The following TMEM87B variants were observed in gnomAD, a reference collection of about 807,000 sequenced individuals.
TMEM87B encodes transmembrane protein 87B.
In TMEM87B, 83 loss-of-function variants were observed where a neutral mutation model predicts 80.3. That is an observed-to-expected ratio of 1.03 (90% CI 0.87 to 1.24). TMEM87B has a LOEUF of 1.24. Among genes scored for constraint, TMEM87B ranks in the 50% most tolerant of loss-of-function variants. The pLI is 0.00. For synonymous variants in TMEM87B, 219 were observed against 230.5 expected (o/e 0.95, Z 0.45); for missense variants, 625 against 674.4 (o/e 0.93, Z 0.81).
At chr2:112,073,991 A>G (rs1678736440) in intron 4 of TMEM87B, among the ~76,000 whole-genome samples, 1 of 152,064 alleles carries the variant, frequency 6.6e-6, no homozygotes, top group Non-Finnish European at 1.5e-5. Flanking sequence ...GGGTGTCGTT[A>G]TATGTGAGAT....
intron 15 of TMEM87B, among the ~76,000 whole-genome samples, chr2:112,103,706 A>G (rs1350464873): frequency 6.6e-6 from 1 of 152,212 alleles, no homozygotes; most frequent in Non-Finnish European, 1.5e-5. Context: ...TTGTGGGGTG[A>G]TGAAAATTTT....
At chr2:112,099,525 C>CATATATATATATATAT (rs778514391) in intron 14 of TMEM87B, among the ~76,000 whole-genome samples, 90 of 122,756 alleles carry the variant, frequency 7.3e-4, no homozygotes, top group African/African-American at 7.9e-4. Context: ...TACAATAATA[C>CATATATATATATATAT]ATATATATAT....
intron 9 of TMEM87B, among the ~76,000 whole-genome samples, chr2:112,087,946 G>A (rs979506128): frequency 1.3e-5 from 2 of 152,108 alleles, no homozygotes; most frequent in Admixed American, 1.3e-4. Context: ...CTGGGAGCTC[G>A]TCTTCCATCC....
At chr2:112,072,584 T>C (rs760844538) in intron 4 of TMEM87B, among the ~76,000 whole-genome samples, 24 of 152,200 alleles carry the variant, frequency 1.6e-4, no homozygotes, top group Admixed American at 3.9e-4. Flanking sequence ...TTTCTGATGG[T>C]TACCTGTATT....
At chr2:112,109,917 C>T (rs1679869423) in intron 17 of TMEM87B, among the ~76,000 whole-genome samples, 1 of 151,930 alleles carries the variant, frequency 6.6e-6, no homozygotes, top group African/African-American at 2.4e-5. Flanking sequence ...CAGGCAGGCG[C>T]CACCACACCC....
At chr2:112,077,038 CA>C (rs35044756) in intron 5 of TMEM87B, among the ~76,000 whole-genome samples, 153 bp from the exon 6 acceptor site, 11,229 of 85,128 alleles carry the variant, frequency 0.13, 951 homozygotes, top group African/African-American at 0.35. Flanking sequence ...ACCCCCATCT[CA>C]AAAAAAAAAA....
chr2:112,087,585 A>T (rs1272415839), intron 9 of TMEM87B, among the ~76,000 whole-genome samples: 2 of 151,834 alleles, frequency 1.3e-5, no homozygotes, highest in African/African-American at 4.8e-5. Context: ...GTGCCCACTC[A>T]ACTGTGAGGG....
Position 112,081,383 on chromosome 2 carries a change from C to T in TMEM87B, c.703C>T (p.Leu235=), listed in dbSNP as rs1288198343. 1.2e-6 allele frequency: 2 copies of T among 1,613,320 alleles called. No homozygotes were observed. The highest frequency in any genetic ancestry group is 1.1e-5 in the South Asian group (1 of 90,908). The change falls in exon 8 of 19, where the codon CTG becomes TTG. Residue 235 remains leucine (L), a synonymous_variant. Transcript: ENST00000283206. ...TTATATATTATATGGCATACTCTGG[C>T]TGACGTGGTCTGCCTGTTATTGGAA... is the stretch of plus-strand genomic sequence containing the variant. ...IVYILYGILW[L]TWSACYWKDI...
rs754639692 is a variant in TMEM87B at position 112,055,550 on chromosome 2, T to C, written c.-42T>C. The C allele has an allele frequency of 6.8e-7, 1 of 1,460,466 alleles. No homozygotes were observed. Among genetic ancestry groups the C allele is most frequent in the Non-Finnish European group, 9.0e-7 (1 of 1,110,140 alleles). 90.5% of individuals were successfully genotyped at this position (1,460,466 alleles called of 1,614,324 possible). ...GGCGGTGCTGCACCAGGTGCGGGTG[T>C]GGCAGGCGTCTCGGAGCGCCAGGTG... On this transcript the variant is annotated 5_prime_UTR_variant, in exon 1 of 19. Coordinates refer to ENST00000283206, the MANE Select transcript of TMEM87B (RefSeq NM_032824.3).
intron 8 of TMEM87B, among the ~76,000 whole-genome samples, chr2:112,082,888 A>G (rs1679039985): frequency 6.6e-6 from 1 of 152,196 alleles, no homozygotes; most frequent in South Asian, 2.1e-4. Flanking sequence ...GTAAGAGGCC[A>G]TCTGCCATCC....
At chr2:112,069,036 C>CA (rs1678532225) in intron 4 of TMEM87B, among the ~76,000 whole-genome samples, 1 of 150,306 alleles carries the variant, frequency 6.7e-6, no homozygotes, top group African/African-American at 2.4e-5. Context: ...ACTAAAAATA[C>CA]AAAAAATTAG....
At chr2:112,068,020 C>G (rs1025380329) in intron 4 of TMEM87B, among the ~76,000 whole-genome samples, 3 of 152,092 alleles carry the variant, frequency 2.0e-5, no homozygotes, top group Non-Finnish European at 4.4e-5. Context: ...CGAGACCAGC[C>G]TAGCCAACAT....
intron 8 of TMEM87B, among the ~76,000 whole-genome samples, chr2:112,083,555 G>A (rs1383589187): frequency 6.6e-6 from 1 of 152,152 alleles, no homozygotes; most frequent in Non-Finnish European, 1.5e-5. Context: ...TGGAGCAATG[G>A]TTCTCATCCC....
chr2:112,074,232 T>G (rs1271046859), intron 4 of TMEM87B, among the ~76,000 whole-genome samples: 2 of 152,220 alleles, frequency 1.3e-5, no homozygotes, highest in African/African-American at 2.4e-5. Flanking sequence ...ATTTAGTGCT[T>G]CTTTCAGGAG....
intron 4 of TMEM87B, among the ~76,000 whole-genome samples, chr2:112,068,940 C>G (rs889536395): frequency 1.3e-5 from 2 of 151,988 alleles, no homozygotes; most frequent in Non-Finnish European, 2.9e-5. Flanking sequence ...TGCCTGTAAT[C>G]CCAGCACTTT....
intron 10 of TMEM87B, 39 bp from the exon 11 acceptor site, chr2:112,091,673 T>C: frequency 7.3e-7 from 1 of 1,360,790 alleles, no homozygotes; most frequent in South Asian, 1.2e-5. Context: ...GCAATGAAAG[T>C]GTTACATTCA....
intron 4 of TMEM87B, among the ~76,000 whole-genome samples, chr2:112,067,299 T>G (rs1678464983): frequency 6.6e-6 from 1 of 152,214 alleles, no homozygotes; most frequent in Non-Finnish European, 1.5e-5. Context: ...TTTGTGTGTA[T>G]AGTAGTACAT....
intron 6 of TMEM87B, among the ~76,000 whole-genome samples, chr2:112,079,326 A>G (rs570294807): frequency 3.9e-5 from 6 of 152,254 alleles, no homozygotes; most frequent in South Asian, 4.1e-4. Flanking sequence ...TAGGAGTTCA[A>G]TTGTTTTAGA....
At chr2:112,080,906 A>G in intron 6 of TMEM87B, 151 bp from the exon 7 acceptor site, 2 of 643,818 alleles carry the variant, frequency 3.1e-6, no homozygotes, top group Non-Finnish European at 5.4e-6. Flanking sequence ...ATAATCAAAC[A>G]AATACTAATT....
Sources: gnomAD v4.1 joint callset for allele counts (sites outside exome capture counted in the v4.1 genomes callset) on GRCh38, gnomAD v4.1.1 for gene constraint, MANE v1.5 for transcripts, NCBI Gene and HGNC (gene_info 2026-07-23, HGNC 2026-07-21) for gene names.